Variants in GRID2IP observed in about 807,000 individuals in gnomAD.
GRID2IP encodes the protein delphilin.
GRID2IP carries 78 observed loss-of-function variants against 114.3 expected under a neutral mutation model. The observed-to-expected ratio is 0.68, with a 90% CI of 0.57 to 0.82. GRID2IP has a LOEUF of 0.82. Among genes scored for constraint, GRID2IP ranks in the 40% least tolerant of loss-of-function variants. GRID2IP has a pLI of 0.00. For missense variants in GRID2IP, 1,727 were observed against 1,678.5 expected (o/e 1.03, Z -0.51); for synonymous variants, 809 against 724.0 (o/e 1.12, Z -1.89).
rs964173113 is a variant in GRID2IP at position 6,520,701 on chromosome 7, G to A, written c.1145C>T (p.Ala382Val). Residue 382 changes from alanine to valine, a missense_variant, in exon 7 of 22, where the codon GCG becomes GTG. Coordinates refer to ENST00000457091, the MANE Select transcript of GRID2IP (RefSeq NM_001145118.2). The surrounding 1 kb of genome is among the most constrained non-coding windows in gnomAD (Gnocchi z 4.6). ...CCGGATGCTGGACGGCAGGATCTCCGCCACCCACTGCAGGGAGGTGAGCGC... is the reference window on the plus strand; with the variant it reads ...CCGGATGCTGGACGGCAGGATCTCCACCACCCACTGCAGGGAGGTGAGCGC... ...SSALTSLQWVAEILPSSIRVQ... is the reference protein window; with the variant it reads ...SSALTSLQWVVEILPSSIRVQ... 1.3e-5 allele frequency: 20 copies of A among 1,551,510 alleles called. No individual in the cohort carries two copies. Among genetic ancestry groups the A allele is most frequent in the Middle Eastern group, 1.7e-4 (1 of 6,014 alleles).
chr7:6,522,708 T>C (rs1779435090), intron 4 of GRID2IP, among the ~76,000 whole-genome samples: 2 of 151,162 alleles, frequency 1.3e-5, no homozygotes, highest in African/African-American at 2.4e-5. Flanking sequence ...TGCAGTGGTG[T>C]GATCTCGGCT....
intron 8 of GRID2IP, 119 bp from the exon 9 acceptor site, chr7:6,511,158 G>A (rs1183281281): frequency 5.2e-5 from 65 of 1,241,854 alleles, no homozygotes; most frequent in Non-Finnish European, 6.3e-5. Context: ...CAAGCTACGG[G>A]GCCTGCCCTG....
At chr7:6,514,630 C>T in intron 7 of GRID2IP, 101 bp from the exon 8 acceptor site, 1 of 1,052,706 alleles carries the variant, frequency 9.5e-7, no homozygotes, top group Non-Finnish European at 1.3e-6. Flanking sequence ...ACAGCGTCTG[C>T]CCTCATGCCC....
Position 6,510,940 on chromosome 7 carries a change from C to A in GRID2IP, c.1523G>T (p.Arg508Leu). 1.9e-6 allele frequency: 3 copies of A among 1,549,108 alleles called. No individual in the cohort carries two copies. Among genetic ancestry groups the A allele is most frequent in the Non-Finnish European group, 2.6e-6 (3 of 1,145,750 alleles). Residue 508 changes from arginine (R) to leucine (L), a missense_variant, in exon 9 of 22, where the codon CGG becomes CTG. Transcript: ENST00000457091. ...RASSMCRRSLRSQGLEAGLSC... is the reference protein window; with the variant it reads ...RASSMCRRSLLSQGLEAGLSC... Reference sequence around the variant, plus strand: ...GAGGCCGGCCTCCAGGCCCTGGGACCGGAGGCTGCGGCGGCACATGGAGGA... The same window carrying A: ...GAGGCCGGCCTCCAGGCCCTGGGACAGGAGGCTGCGGCGGCACATGGAGGA...
At chr7:6,533,867 T>C (rs1269891040) in intron 2 of GRID2IP, among the ~76,000 whole-genome samples, 1 of 150,804 alleles carries the variant, frequency 6.6e-6, no homozygotes, top group Non-Finnish European at 1.5e-5. Context: ...CCCGGACTGG[T>C]CTTGAACTCT....
Position 6,528,167 on chromosome 7 carries a change from G to T in GRID2IP, c.585-1398C>A, listed in dbSNP as rs1779552312. Among the ~76,000 whole-genome samples the T allele has an allele frequency of 6.6e-6, 1 of 152,098 alleles. No homozygotes were observed. Among genetic ancestry groups the T allele is most frequent in the Non-Finnish European group, 1.5e-5 (1 of 68,018 alleles). On this transcript the variant is annotated intron_variant, in intron 2 of 21. Transcript: ENST00000457091. The surrounding 1 kb of genome is among the most constrained non-coding windows in gnomAD (Gnocchi z 6.0). ...CCACCTCCACTTCTCGAAGTGCTGGGATTACAGGCGTGAGCTACAACACCC... is the reference window on the plus strand; with the variant it reads ...CCACCTCCACTTCTCGAAGTGCTGGTATTACAGGCGTGAGCTACAACACCC...
At chr7:6,537,263 G>A (rs929979765) in intron 2 of GRID2IP, among the ~76,000 whole-genome samples, 2 of 151,906 alleles carry the variant, frequency 1.3e-5, no homozygotes, top group African/African-American at 4.8e-5. Flanking sequence ...CTGAGAGCAG[G>A]CCGGGCACGG....
chr7:6,506,005 G>A lies in GRID2IP; in HGVS notation c.2545-98C>T, dbSNP rs1027693069. The A allele has an allele frequency of 4.9e-5, 37 of 759,372 alleles. No individual in the cohort carries two copies. The African/African-American group carries it at 5.7e-4, about 12-fold the overall frequency. 47.0% of individuals were successfully genotyped at this position (759,372 alleles called of 1,614,324 possible). The stretch of plus-strand genomic sequence containing the variant: ...CTGAGGGCTGCCATAGGGGCTTCCC[G>A]AGCAAAAGCACCCATCAGGTGCTGG... On this transcript the variant is annotated intron_variant, in intron 13 of 21. Coordinates refer to ENST00000457091, the MANE Select transcript of GRID2IP (RefSeq NM_001145118.2). This position sits in a 1 kb window ranked among gnomAD's most constrained non-coding sequence, Gnocchi z 5.2.
intron 1 of GRID2IP, among the ~76,000 whole-genome samples, chr7:6,549,994 T>G (rs1779949631): frequency 6.6e-6 from 1 of 151,922 alleles, no homozygotes. Context: ...CTTTTTATTT[T>G]ATCTTTTTAT....
chr7:6,517,322 G>C (rs371670893), intron 7 of GRID2IP, among the ~76,000 whole-genome samples: 2 of 152,020 alleles, frequency 1.3e-5, no homozygotes, highest in African/African-American at 4.8e-5. Flanking sequence ...CTCCCAAGGT[G>C]CTGGGATTAC....
chr7:6,513,386 CT>C (rs34015103), intron 8 of GRID2IP, among the ~76,000 whole-genome samples: 71 of 144,598 alleles, frequency 4.9e-4, no homozygotes, highest in East Asian at 1.0e-3. Flanking sequence ...TAAATTAAAA[CT>C]TTTTTTTTTT....
Position 6,516,886 on chromosome 7 carries a change from C to T in GRID2IP, c.1269-2357G>A, listed in dbSNP as rs964652795. On this transcript the variant is annotated intron_variant, in intron 7 of 21. Coordinates refer to ENST00000457091, the MANE Select transcript of GRID2IP (RefSeq NM_001145118.2). The surrounding 1 kb of genome is among the most constrained non-coding windows in gnomAD (Gnocchi z 4.3). ...CTGGCGGACACGTGACTCACATGAC[C>T]TTACCTATCATTGGAGATGACTCTC... Among the ~76,000 whole-genome samples, 34 of 152,208 alleles carry T rather than the reference C, an allele frequency of 2.2e-4. No individual in the cohort carries two copies. Among genetic ancestry groups the T allele is most frequent in the African/African-American group, 7.9e-4 (33 of 41,536 alleles).
intron 2 of GRID2IP, among the ~76,000 whole-genome samples, chr7:6,527,662 G>A (rs985987463): frequency 3.3e-5 from 5 of 151,662 alleles, no homozygotes; most frequent in African/African-American, 9.7e-5. Flanking sequence ...ATCATAGCAC[G>A]ATCATAGCTC....
intron 1 of GRID2IP, among the ~76,000 whole-genome samples, chr7:6,544,641 C>T (rs1445242148): frequency 6.6e-6 from 1 of 152,126 alleles, no homozygotes; most frequent in African/African-American, 2.4e-5. Context: ...GTTCAAGTCT[C>T]TCTCAGGCTA....
chr7:6,533,419 C>T (rs1779668788), intron 2 of GRID2IP, among the ~76,000 whole-genome samples: 1 of 152,170 alleles, frequency 6.6e-6, no homozygotes, highest in Admixed American at 6.6e-5. Flanking sequence ...AGTGCAATGG[C>T]ATGATCATGA....
intron 15 of GRID2IP, among the ~76,000 whole-genome samples, chr7:6,504,409 G>A (rs1308926929): frequency 6.6e-6 from 1 of 151,520 alleles, no homozygotes; most frequent in African/African-American, 2.4e-5. Flanking sequence ...GCCGGGGCAG[G>A]GGCGGGCCCT....
chr7:6,500,487 T>C (rs1786383097), intron 20 of GRID2IP, among the ~76,000 whole-genome samples: 1 of 152,000 alleles, frequency 6.6e-6, no homozygotes, highest in African/African-American at 2.4e-5. Flanking sequence ...AATCCGGGTG[T>C]GAAGTGGGTG....
At chr7:6,543,663 G>A (rs532410981) in intron 1 of GRID2IP, among the ~76,000 whole-genome samples, 8 of 151,860 alleles carry the variant, frequency 5.3e-5, no homozygotes, top group Non-Finnish European at 1.2e-4. Context: ...AGGCTGGAGT[G>A]CAGTGGTGCA....
intron 1 of GRID2IP, among the ~76,000 whole-genome samples, chr7:6,543,521 A>G (rs930068470): frequency 1.3e-5 from 2 of 151,936 alleles, no homozygotes; most frequent in African/African-American, 4.8e-5. Flanking sequence ...CTCAAAGATC[A>G]TCTCATCAGG....
Sources: gnomAD v4.1 joint callset for allele counts (sites outside exome capture counted in the v4.1 genomes callset) on GRCh38, gnomAD v4.1.1 for gene constraint, Gnocchi (gnomAD v3.1) non-coding constraint, MANE v1.5 for transcripts, NCBI Gene and HGNC (gene_info 2026-07-23, HGNC 2026-07-21) for gene names.